Variants in TNR observed in about 807,000 individuals in gnomAD.
TNR encodes tenascin-R.
Under a neutral mutation model 150.4 loss-of-function variants are expected in TNR, and 45 were observed. That is an observed-to-expected ratio of 0.30 (90% confidence interval 0.24 to 0.38). The LOEUF is 0.38. TNR is among the 10% of genes least tolerant of loss of function. The pLI is 1.00. For synonymous variants in TNR, 687 were observed against 678.4 expected, an observed-to-expected ratio of 1.01 and a Z score of -0.20; for missense variants, 1,544 against 1,759.1, an observed-to-expected ratio of 0.88 and a Z score of 2.19.
At chr1:175,560,814 C>T (rs1205946433) in intron 1 of TNR, among the ~76,000 whole-genome samples, 1 of 152,180 alleles carries the variant, frequency 6.6e-6, no homozygotes, top group East Asian at 1.9e-4. Context: ...TTTTAAAATT[C>T]TGGCATAAAA....
intron 1 of TNR, among the ~76,000 whole-genome samples, chr1:175,650,169 GCCAGGAGTTCAAGA>G (rs1664917370): frequency 1.3e-5 from 2 of 152,138 alleles, no homozygotes; most frequent in East Asian, 3.9e-4. Context: ...GTCCTGGGAG[GCCAGGAGTTCAAGA>G]CCAGCCTGGC....
intron 1 of TNR, among the ~76,000 whole-genome samples, chr1:175,533,977 T>C (rs1660171640): frequency 6.6e-6 from 1 of 152,138 alleles, no homozygotes. Flanking sequence ...GGGAAGGTCT[T>C]GGTTTGGAGG....
intron 1 of TNR, among the ~76,000 whole-genome samples, chr1:175,689,133 G>T (rs59463741): frequency 1.2e-4 from 19 of 152,298 alleles, no homozygotes; most frequent in African/African-American, 3.8e-4. Flanking sequence ...CCCACTGATG[G>T]CTCATGTGAA....
At chr1:175,551,827 TTAAC>T (rs960059512) in intron 1 of TNR, among the ~76,000 whole-genome samples, 4 of 152,176 alleles carry the variant, frequency 2.6e-5, no homozygotes, top group Admixed American at 2.6e-4. Flanking sequence ...ATGATTGTAA[TTAAC>T]TACATATATT....
intron 1 of TNR, among the ~76,000 whole-genome samples, chr1:175,685,399 CAGGCCACATTAA>C (rs1277474615): frequency 6.6e-6 from 1 of 152,172 alleles, no homozygotes; most frequent in Non-Finnish European, 1.5e-5. Flanking sequence ...ACACTGCTGT[CAGGCCACATTAA>C]AGGCCACTCT....
rs150303378 is a variant in TNR, at chr1:175,680,524, C to A, written c.-165+62702G>T. On this transcript the variant is annotated intron_variant, in intron 1 of 22. Coordinates refer to ENST00000367674, the MANE Select transcript of TNR (RefSeq NM_003285.3). ...AGATGCTGGCAGGATGACAGCTGAA[C>A]CCTGTGTGCCATCGGAGTAGAGAGA... Among the ~76,000 whole-genome samples, 561 of 152,176 alleles carry A rather than the reference C, an allele frequency of 3.7e-3. 6 individuals carry two copies. The highest frequency in any genetic ancestry group is 0.013 in the African/African-American group (537 of 41,500).
chr1:175,439,931 T>A (rs947187567), intron 2 of TNR, among the ~76,000 whole-genome samples: 4 of 152,336 alleles, frequency 2.6e-5, no homozygotes, highest in African/African-American at 9.6e-5. Context: ...TTGGTGGGAC[T>A]GTAAACTAGT....
At chr1:175,499,379 G>A (rs890148943) in intron 2 of TNR, among the ~76,000 whole-genome samples, 2 of 152,150 alleles carry the variant, frequency 1.3e-5, no homozygotes, top group African/African-American at 4.8e-5. Context: ...TGTAAAGTTG[G>A]GCTCTCCCTG....
intron 1 of TNR, among the ~76,000 whole-genome samples, chr1:175,564,335 T>C (rs1661551000): frequency 6.6e-6 from 1 of 152,192 alleles, no homozygotes; most frequent in Non-Finnish European, 1.5e-5. Context: ...GCCCCAGAGG[T>C]TCCCTCATTA....
chr1:175,331,039 T>TTCTTTCTTTCTTTCTTTCTTTC (rs1649762119), intron 20 of TNR, among the ~76,000 whole-genome samples: 2 of 73,308 alleles, frequency 2.7e-5, no homozygotes, highest in Non-Finnish European at 5.8e-5. Flanking sequence ...CTTTCTTTCT[T>TTCTTTCTTTCTTTCTTTCTTTC]TCTTTCTTTC....
In TNR at chr1:175,599,520, G is replaced by A. The variant is rs1663148882; in HGVS notation, c.-164-71151C>T. 6.6e-6 allele frequency among the ~76,000 whole-genome samples: 1 copy of A among 152,264 alleles called. No individual in the cohort carries two copies. Among genetic ancestry groups the A allele is most frequent in the Admixed American group, 6.5e-5 (1 of 15,290 alleles). On this transcript the variant is annotated intron_variant, in intron 1 of 22. Transcript: ENST00000367674. This position sits in a 1 kb window ranked among gnomAD's most constrained non-coding sequence, Gnocchi z 4.7. ...CGGAGTAATTCGCAGATGCCACCGA[G>A]CGGTGGGGCGGCGCGGTTAATGGGG...
intron 1 of TNR, among the ~76,000 whole-genome samples, chr1:175,718,322 T>C (rs1255989338): frequency 1.3e-5 from 2 of 152,182 alleles, no homozygotes; most frequent in African/African-American, 2.4e-5. Context: ...TAAATGCTCA[T>C]TTATGTTTCT....
At chr1:175,546,430 C>G (rs994926342) in intron 1 of TNR, among the ~76,000 whole-genome samples, 14 of 152,196 alleles carry the variant, frequency 9.2e-5, no homozygotes, top group African/African-American at 3.4e-4. Context: ...TGCCGGCCAT[C>G]TCACATCTTA....
At chr1:175,463,815 C>G (rs1388822479) in intron 2 of TNR, among the ~76,000 whole-genome samples, 1 of 152,184 alleles carries the variant, frequency 6.6e-6, no homozygotes, top group Middle Eastern at 3.2e-3. Flanking sequence ...ACAGTTCAAC[C>G]AAACTGGGAT....
At chr1:175,567,809 C>G (rs1267609525) in intron 1 of TNR, among the ~76,000 whole-genome samples, 3 of 152,130 alleles carry the variant, frequency 2.0e-5, no homozygotes, top group Non-Finnish European at 4.4e-5. Context: ...ATCTCTGATA[C>G]TTTCATGTGA....
At chr1:175,566,480 G>A (rs74831322) in intron 1 of TNR, among the ~76,000 whole-genome samples, 3,834 of 152,330 alleles carry the variant, frequency 0.025, 166 homozygotes, top group African/African-American at 0.085. Flanking sequence ...AGTAGAAGGT[G>A]AGTGAGGGAG....
At position 175,391,458 on chromosome 1, in the gene TNR, A is replaced by T; in HGVS notation, c.1357-20T>A. 6.2e-7 allele frequency: 1 copy of T among 1,607,666 alleles called. No individual in the cohort carries two copies. On this transcript the variant is annotated intron_variant, in intron 6 of 22. Transcript: ENST00000367674. Reference sequence around the variant, plus strand: ...ATTGTTCTGGACAGTGGGGAGAAGCAGAGAGCAAAAGAGAAAAGTCACTGG... The same window carrying T: ...ATTGTTCTGGACAGTGGGGAGAAGCTGAGAGCAAAAGAGAAAAGTCACTGG...
intron 1 of TNR, among the ~76,000 whole-genome samples, chr1:175,667,737 T>A (rs1391955738): frequency 6.6e-6 from 1 of 152,206 alleles, no homozygotes; most frequent in Non-Finnish European, 1.5e-5. Flanking sequence ...CTTCCCTGAT[T>A]CCCTTACCTG....
intron 21 of TNR, among the ~76,000 whole-genome samples, chr1:175,325,879 T>G (rs1286539769): frequency 1.4e-5 from 2 of 144,996 alleles, no homozygotes; most frequent in Non-Finnish European, 3.0e-5. Flanking sequence ...GGGGTGGGGG[T>G]AGGGGGGAGG....
Sources: allele counts gnomAD v4.1 joint callset (sites outside exome capture counted in the v4.1 genomes callset), GRCh38; gene constraint gnomAD v4.1.1; non-coding constraint Gnocchi (gnomAD v3.1); transcripts MANE v1.5; gene names NCBI Gene and HGNC (gene_info 2026-07-23, HGNC 2026-07-21).